The following CDH13 variants were observed in gnomAD, a reference collection of about 807,000 sequenced individuals.
CDH13 encodes cadherin-13.
CDH13 carries 24 observed loss-of-function variants against 63.8 expected under a neutral mutation model. That is an observed-to-expected ratio of 0.38 (90% CI 0.27 to 0.53). The LOEUF is 0.53. Among genes scored for constraint, CDH13 ranks in the 20% least tolerant of loss-of-function variants. The pLI is 0.85. For synonymous variants in CDH13, 503 were observed against 355.3 expected, an observed-to-expected ratio of 1.42 and a Z score of -4.67; for missense variants, 1,049 against 903.1, an observed-to-expected ratio of 1.16 and a Z score of -2.07.
At chr16:83,494,372 G>C (rs1289811605) in intron 7 of CDH13, among the ~76,000 whole-genome samples, 2 of 152,164 alleles carry the variant, frequency 1.3e-5, no homozygotes, top group African/African-American at 2.4e-5. Context: ...TTCATCAAGA[G>C]ATTTTCCAGT....
chr16:83,066,622 T>C (rs562530140), intron 3 of CDH13, among the ~76,000 whole-genome samples: 5 of 152,374 alleles, frequency 3.3e-5, no homozygotes, highest in South Asian at 4.1e-4. Context: ...GCATTTTCTG[T>C]CTCTGTATAA....
chr16:83,044,008 G>A (rs1423714191), intron 3 of CDH13, among the ~76,000 whole-genome samples: 1 of 152,122 alleles, frequency 6.6e-6, no homozygotes, highest in Non-Finnish European at 1.5e-5. Context: ...GGATTAGATA[G>A]GATGCTCTAC....
intron 4 of CDH13, among the ~76,000 whole-genome samples, chr16:83,203,449 G>T (rs1170598950): frequency 1.3e-5 from 2 of 151,838 alleles, no homozygotes; most frequent in African/African-American, 4.8e-5. Context: ...CACTTTCGGA[G>T]GCCAAGGCGG....
rs1482008559 is a variant in CDH13 at position 83,216,433 on chromosome 16, T to TAA, written c.484-911_484-910insAA. ...ATATATATATATATATATATATATA[T>TAA]ATATATATATACACAACCCTAATTT... On this transcript the variant is annotated intron_variant, in intron 4 of 13. Transcript: ENST00000567109. 1.7e-3 allele frequency among the ~76,000 whole-genome samples: 192 copies of TAA among 115,408 alleles called. 9 individuals are homozygous for TAA. The highest frequency in any genetic ancestry group is 3.9e-3 in the African/African-American group (117 of 30,312). 75.7% of individuals were successfully genotyped at this position (115,408 alleles called of 152,430 possible). A position where few individuals can be genotyped will look rare whatever the true frequency, so the allele number is the denominator to read the frequency against.
At chr16:83,247,982 C>T (rs1198278207) in intron 5 of CDH13, among the ~76,000 whole-genome samples, 1 of 152,144 alleles carries the variant, frequency 6.6e-6, no homozygotes, top group East Asian at 1.9e-4. Context: ...TCCAGGAAGC[C>T]CCAGGCTGTT....
intron 1 of CDH13, among the ~76,000 whole-genome samples, chr16:82,763,260 T>C (rs952285506): frequency 4.6e-5 from 7 of 152,214 alleles, no homozygotes; most frequent in African/African-American, 1.7e-4. Context: ...GTGCCTCCTG[T>C]CTCCTATCAC....
chr16:82,812,152 AACAGACTGCCTTT>A (rs1412335452), intron 1 of CDH13, among the ~76,000 whole-genome samples: 1 of 152,128 alleles, frequency 6.6e-6, no homozygotes, highest in Non-Finnish European at 1.5e-5. Context: ...TCATTGTGCC[AACAGACTGCCTTT>A]AGAAACTGGC....
In CDH13 at chr16:83,217,340, A is replaced by G; in HGVS notation, c.484-5A>G. Reference sequence around the variant, plus strand: ...TTTTAAATGTCTCTCTGTTTTTCTGACTAGGTAGTCGATAGTGACAGGCCA... The same window carrying G: ...TTTTAAATGTCTCTCTGTTTTTCTGGCTAGGTAGTCGATAGTGACAGGCCA... On this transcript the variant is annotated splice_region_variant and splice_polypyrimidine_tract_variant and intron_variant, in intron 4 of 13. Transcript: ENST00000567109. The G allele has an allele frequency of 6.2e-7, 1 of 1,613,722 alleles. No individual in the cohort carries two copies. The highest frequency in any genetic ancestry group is 1.3e-5 in the African/African-American group (1 of 75,016).
intron 5 of CDH13, among the ~76,000 whole-genome samples, chr16:83,242,274 C>G (rs771936535): frequency 2.6e-5 from 4 of 152,206 alleles, no homozygotes; most frequent in Non-Finnish European, 5.9e-5. Context: ...GACTCCAGGA[C>G]TAAGAGATTT....
chr16:83,515,092 G>A (rs1216031580), intron 7 of CDH13, among the ~76,000 whole-genome samples: 1 of 152,084 alleles, frequency 6.6e-6, no homozygotes, highest in Non-Finnish European at 1.5e-5. Flanking sequence ...CTCATCTTGT[G>A]CTGTGTCGTA....
At chr16:82,654,206 G>A (rs749920561) in intron 1 of CDH13, among the ~76,000 whole-genome samples, 2 of 152,170 alleles carry the variant, frequency 1.3e-5, no homozygotes, top group East Asian at 3.9e-4. Flanking sequence ...AGAGATTCTG[G>A]GGAGACAGCA....
chr16:82,982,068 G>C (rs1013517854), intron 2 of CDH13, among the ~76,000 whole-genome samples: 1 of 152,060 alleles, frequency 6.6e-6, no homozygotes, highest in African/African-American at 2.4e-5. Flanking sequence ...TCAACTTCTA[G>C]TTTTAGCACT....
intron 5 of CDH13, among the ~76,000 whole-genome samples, chr16:83,317,474 C>A (rs1165962275): frequency 6.6e-6 from 1 of 152,106 alleles, no homozygotes; most frequent in African/African-American, 2.4e-5. Flanking sequence ...GGCTTTCCAT[C>A]CTGGAATCCA....
At chr16:83,537,214 G>A (rs2075208465) in intron 7 of CDH13, among the ~76,000 whole-genome samples, 1 of 152,184 alleles carries the variant, frequency 6.6e-6, no homozygotes, top group Non-Finnish European at 1.5e-5. Flanking sequence ...AGAAGGTACA[G>A]AATAAGTATT....
chr16:82,870,957 C>T (rs2040323257), intron 2 of CDH13, among the ~76,000 whole-genome samples: 1 of 152,216 alleles, frequency 6.6e-6, no homozygotes, highest in South Asian at 2.1e-4. Flanking sequence ...TCCTAGTTAA[C>T]TCTGCCTGTC....
chr16:82,768,630 A>T (rs1020961550), intron 1 of CDH13, among the ~76,000 whole-genome samples: 1 of 152,114 alleles, frequency 6.6e-6, no homozygotes, highest in African/African-American at 2.4e-5. Context: ...CCCTATCTCA[A>T]AATCTTTGGG....
At chr16:83,344,655 G>A (rs2090799226) in intron 5 of CDH13, among the ~76,000 whole-genome samples, 3 of 152,086 alleles carry the variant, frequency 2.0e-5, no homozygotes, top group Non-Finnish European at 2.9e-5. Context: ...TTCCCAAGGG[G>A]GATCTAAAGT....
At chr16:82,648,418 G>T (rs1910352052) in intron 1 of CDH13, among the ~76,000 whole-genome samples, 1 of 152,280 alleles carries the variant, frequency 6.6e-6, no homozygotes, top group South Asian at 2.1e-4. Flanking sequence ...AAATAGGTTA[G>T]ATTTCCAGCA....
intron 11 of CDH13, among the ~76,000 whole-genome samples, chr16:83,774,913 T>C (rs1347168949): frequency 1.3e-5 from 2 of 151,986 alleles, no homozygotes; most frequent in Non-Finnish European, 2.9e-5. Context: ...ACTGTACACT[T>C]CAAAGTGGTT....
Sources: gnomAD v4.1 joint callset for allele counts (sites outside exome capture counted in the v4.1 genomes callset) on GRCh38, gnomAD v4.1.1 for gene constraint, MANE v1.5 for transcripts, NCBI Gene and HGNC (gene_info 2026-07-23, HGNC 2026-07-21) for gene names.